SEMA5B: variants seen among roughly 807,000 people sequenced by gnomAD.
SEMA5B encodes semaphorin-5B.
Under a neutral mutation model 135.0 loss-of-function variants are expected in SEMA5B, and 66 were observed. The observed-to-expected ratio is 0.49, with a 90% CI of 0.40 to 0.60. The LOEUF is 0.60. Among genes scored for constraint, SEMA5B ranks in the 20% least tolerant of loss-of-function variants. SEMA5B has a pLI of 0.00. For synonymous variants in SEMA5B, 690 were observed against 639.5 expected, an observed-to-expected ratio of 1.08 and a Z score of -1.19; for missense variants, 1,501 against 1,566.3, an observed-to-expected ratio of 0.96 and a Z score of 0.70.
chr3:122,937,888 C>T (rs533766463), intron 5 of SEMA5B, among the ~76,000 whole-genome samples: 1 of 152,348 alleles, frequency 6.6e-6, no homozygotes, highest in South Asian at 2.1e-4. Context: ...AGGGTGGGAC[C>T]CCTGGGTCCA....
rs77016040 is a variant in SEMA5B, at chr3:122,928,142, T to C, written c.637-139A>G. The C allele has an allele frequency of 2.0e-3, 1,204 of 601,614 alleles. 13 individuals carry two copies. In the African/African-American group the frequency reaches 0.021, roughly 11 times the overall value. The allele number at this position is 601,614 out of a possible 1,614,324, so 37.3% of individuals were successfully genotyped here. On this transcript the variant is annotated intron_variant, in intron 7 of 22. Transcript: ENST00000357599. ...CTCCAGCGTCATCTCACTGCTCAGCTCATGGTCCCTCTGAGGGAGCAGCCC... is the reference window on the plus strand; with the variant it reads ...CTCCAGCGTCATCTCACTGCTCAGCCCATGGTCCCTCTGAGGGAGCAGCCC...
At chr3:123,010,238 G>C (rs1347560059) in intron 1 of SEMA5B, among the ~76,000 whole-genome samples, 1 of 152,178 alleles carries the variant, frequency 6.6e-6, no homozygotes, top group African/African-American at 2.4e-5. Flanking sequence ...GGTAGGATGG[G>C]ACAAATCATG....
In SEMA5B at chr3:122,948,486, A is replaced by G. The variant is rs1321654226; in HGVS notation, c.328+20T>C. On this transcript the variant is annotated intron_variant, in intron 3 of 22. Coordinates refer to ENST00000357599, the MANE Select transcript of SEMA5B (RefSeq NM_001031702.4). The stretch of plus-strand genomic sequence containing the variant: ...GACACGGCCATTGCAAGACAGGGCC[A>G]AGTAGGAAGCAACTCTTACCTTCAA... 5 of 1,585,440 alleles carry G rather than the reference A, an allele frequency of 3.2e-6. No individual in the cohort carries two copies. Among genetic ancestry groups the G allele is most frequent in the Middle Eastern group, 2.2e-4 (1 of 4,574 alleles).
intron 3 of SEMA5B, among the ~76,000 whole-genome samples, chr3:122,944,018 C>T (rs988367169): frequency 6.6e-6 from 1 of 152,150 alleles, no homozygotes; most frequent in African/African-American, 2.4e-5. Flanking sequence ...GCAACCTGAA[C>T]GCTTGTTCTC....
intron 1 of SEMA5B, among the ~76,000 whole-genome samples, chr3:122,983,046 G>T (rs557142828): frequency 2.6e-5 from 4 of 152,134 alleles, no homozygotes; most frequent in African/African-American, 9.6e-5. Context: ...ACCCCAGCTG[G>T]CCAGGCAGGG....
At chr3:122,931,565 C>T (rs959515511) in intron 5 of SEMA5B, among the ~76,000 whole-genome samples, 1 of 152,178 alleles carries the variant, frequency 6.6e-6, no homozygotes, top group Non-Finnish European at 1.5e-5. Context: ...ATATATCAAT[C>T]TTGGCATACA....
chr3:122,931,426 A>G (rs1205116803), intron 5 of SEMA5B, among the ~76,000 whole-genome samples: 1 of 152,206 alleles, frequency 6.6e-6, no homozygotes, highest in Non-Finnish European at 1.5e-5. Context: ...ATTTCACTGA[A>G]TATATGGCAC....
intron 12 of SEMA5B, among the ~76,000 whole-genome samples, 182 bp from the exon 13 acceptor site, chr3:122,916,072 T>C (rs1181624144): frequency 1.3e-5 from 2 of 152,236 alleles, no homozygotes; most frequent in Admixed American, 1.3e-4. Flanking sequence ...TTTATAAGCA[T>C]GAATTAATTT....
intron 1 of SEMA5B, among the ~76,000 whole-genome samples, chr3:122,967,556 G>A (rs1203293665): frequency 6.6e-6 from 1 of 152,184 alleles, no homozygotes; most frequent in Non-Finnish European, 1.5e-5. Context: ...CCATTCCAAA[G>A]CTCTTGGGTA....
At chr3:122,959,688 T>A (rs762466212) in intron 2 of SEMA5B, among the ~76,000 whole-genome samples, 1 of 152,182 alleles carries the variant, frequency 6.6e-6, no homozygotes, top group Non-Finnish European at 1.5e-5. Flanking sequence ...ACCAAATGCA[T>A]GCACAGAGAG....
chr3:122,911,612 G>A, intron 20 of SEMA5B, 77 bp from the exon 21 acceptor site: 1 of 1,445,114 alleles, frequency 6.9e-7, no homozygotes, highest in Non-Finnish European at 9.4e-7. Context: ...GCGTAAGCCT[G>A]GGAGGACCTC....
rs373305182 is a variant in SEMA5B at position 122,973,879 on chromosome 3, G to A, written c.-38-12578C>T. On this transcript the variant is annotated intron_variant, in intron 1 of 22. Coordinates refer to ENST00000357599, the MANE Select transcript of SEMA5B (RefSeq NM_001031702.4). The stretch of plus-strand genomic sequence containing the variant: ...AACCCTTTCAGGATTTCCTTCTGGA[G>A]GGCTGTGAGTCTTCTTCACCAGGCC... Among the ~76,000 whole-genome samples, 12 of 152,318 alleles carry A rather than the reference G, an allele frequency of 7.9e-5. No homozygotes were observed. The East Asian group carries it at 9.6e-4, about 12-fold the overall frequency.
intron 1 of SEMA5B, among the ~76,000 whole-genome samples, chr3:123,003,524 G>C (rs1942233351): frequency 6.6e-6 from 1 of 152,136 alleles, no homozygotes; most frequent in African/African-American, 2.4e-5. Flanking sequence ...TCCTCAGGGG[G>C]CCTCTTCCCA....
At chr3:122,911,264 G>T in intron 21 of SEMA5B, 2 of 1,305,416 alleles carry the variant, frequency 1.5e-6, no homozygotes, top group Non-Finnish European at 2.1e-6. Context: ...GCAACCAGAG[G>T]GTCTAGAGTC....
intron 1 of SEMA5B, among the ~76,000 whole-genome samples, chr3:123,020,825 C>A (rs1027192720): frequency 2.6e-5 from 4 of 152,146 alleles, no homozygotes; most frequent in African/African-American, 9.7e-5. Flanking sequence ...TGAGCTGGAC[C>A]AAGCCACGGT....
chr3:122,938,655 T>C (rs540175018), intron 5 of SEMA5B, among the ~76,000 whole-genome samples: 25 of 152,358 alleles, frequency 1.6e-4, no homozygotes, highest in Admixed American at 1.6e-3. Flanking sequence ...AGCCATGAGT[T>C]CTGGTACACA....
chr3:122,977,318 C>T (rs1279212653), intron 1 of SEMA5B, among the ~76,000 whole-genome samples: 2 of 152,192 alleles, frequency 1.3e-5, no homozygotes, highest in Non-Finnish European at 2.9e-5. Flanking sequence ...GTTGCAGGAT[C>T]GCTGAATAAT....
chr3:122,913,126 C>A, intron 17 of SEMA5B, 65 bp from the exon 18 acceptor site: 1 of 1,423,254 alleles, frequency 7.0e-7, no homozygotes. Context: ...TGGGCCTCCC[C>A]GGGGCTCCCG....
chr3:122,937,568 G>A (rs183831992), intron 5 of SEMA5B, among the ~76,000 whole-genome samples: 17 of 152,332 alleles, frequency 1.1e-4, no homozygotes, highest in African/African-American at 3.6e-4. Flanking sequence ...TGCTGGGAAA[G>A]GTGGTCAACC....
Sources: allele counts gnomAD v4.1 joint callset (sites outside exome capture counted in the v4.1 genomes callset), GRCh38; gene constraint gnomAD v4.1.1; transcripts MANE v1.5; gene names NCBI Gene and HGNC (gene_info 2026-07-23, HGNC 2026-07-21).